The following KCNQ3 variants were observed in gnomAD, a reference collection of about 807,000 sequenced individuals.
KCNQ3 encodes potassium voltage-gated channel subfamily KQT member 3.
A neutral mutation model predicts 92.5 loss-of-function variants in KCNQ3; 30 were observed. That is an observed-to-expected ratio of 0.32 (90% CI 0.24 to 0.44). The LOEUF is 0.44. Among genes scored for constraint, KCNQ3 ranks in the 20% least tolerant of loss-of-function variants. The pLI, the probability that KCNQ3 is intolerant of heterozygous loss-of-function variation, is 1.00. For missense variants in KCNQ3, 913 were observed against 1,140.3 expected, an observed-to-expected ratio of 0.80 and a Z score of 2.87; for synonymous variants, 450 against 468.8, an observed-to-expected ratio of 0.96 and a Z score of 0.52.
At chr8:132,199,037 T>C (rs1827383048) in intron 1 of KCNQ3, among the ~76,000 whole-genome samples, 1 of 152,092 alleles carries the variant, frequency 6.6e-6, no homozygotes, top group African/African-American at 2.4e-5. Flanking sequence ...CACCATCAGA[T>C]ACACCATTCA....
chr8:132,175,483 C>A lies in KCNQ3; in HGVS notation c.903G>T (p.Glu301Asp), dbSNP rs764285990. 6.2e-7 allele frequency: 1 copy of A among 1,614,204 alleles called. No homozygotes were observed. Among genetic ancestry groups the A allele is most frequent in the Non-Finnish European group, 8.5e-7 (1 of 1,180,024 alleles). The change falls in exon 5 of 15, where the codon GAG becomes GAT. Residue 301 changes from glutamate (E) to aspartate (D), a missense_variant. Physicochemically the swap from Glu to Asp is conservative, Grantham distance 45. Coordinates refer to ENST00000388996, the MANE Select transcript of KCNQ3 (RefSeq NM_004519.4). ...CCCACCACAGGGCATCTGCATAGGT[C>A]TCAAACTCCTCTTTCATCTCCTCTC... ...AQGEEMKEEFETYADALWWGL... is the reference protein window; with the variant it reads ...AQGEEMKEEFDTYADALWWGL...
intron 1 of KCNQ3, among the ~76,000 whole-genome samples, chr8:132,397,956 T>C (rs1820235918): frequency 6.6e-6 from 1 of 152,192 alleles, no homozygotes; most frequent in Non-Finnish European, 1.5e-5. Flanking sequence ...CTATAAAATA[T>C]CTAATTTATA....
At chr8:132,409,253 T>C (rs563425172) in intron 1 of KCNQ3, among the ~76,000 whole-genome samples, 1 of 152,174 alleles carries the variant, frequency 6.6e-6, no homozygotes, top group Admixed American at 6.5e-5. Context: ...AATCCATCTA[T>C]GCATTCACTT....
chr8:132,181,939 G>A (rs1042785038), intron 3 of KCNQ3, among the ~76,000 whole-genome samples: 1 of 152,006 alleles, frequency 6.6e-6, no homozygotes, highest in Non-Finnish European at 1.5e-5. Context: ...CAGCTACTTG[G>A]GAGGCTGAGG....
chr8:132,207,132 A>C (rs796246377), intron 1 of KCNQ3, among the ~76,000 whole-genome samples: 2 of 152,330 alleles, frequency 1.3e-5, no homozygotes, highest in African/African-American at 4.8e-5. Flanking sequence ...ACCATTGTGC[A>C]TACAGATTTT....
At chr8:132,414,007 G>A (rs1017821926) in intron 1 of KCNQ3, among the ~76,000 whole-genome samples, 1 of 152,222 alleles carries the variant, frequency 6.6e-6, no homozygotes, top group African/African-American at 2.4e-5. Flanking sequence ...GGTTTCCAGA[G>A]CGGGTGCAGC....
chr8:132,373,856 C>T (rs894215914), intron 1 of KCNQ3, among the ~76,000 whole-genome samples: 7 of 152,266 alleles, frequency 4.6e-5, no homozygotes, highest in Admixed American at 1.3e-4. Flanking sequence ...AAGCTCATCA[C>T]TCCTGCACAC....
intron 1 of KCNQ3, among the ~76,000 whole-genome samples, chr8:132,407,970 C>G (rs1020517644): frequency 6.6e-6 from 1 of 152,134 alleles, no homozygotes; most frequent in South Asian, 2.1e-4. Flanking sequence ...TGCTGGCTGA[C>G]TGGCAAAGGT....
chr8:132,172,532 C>T, intron 7 of KCNQ3, 66 bp downstream of exon 7: 2 of 1,398,292 alleles, frequency 1.4e-6, no homozygotes, highest in Non-Finnish European at 2.0e-6. Context: ...CACATACACA[C>T]ACACACACGT....
chr8:132,295,504 A>G (rs7846234), intron 1 of KCNQ3, among the ~76,000 whole-genome samples: 12,190 of 152,308 alleles, frequency 0.08, 551 homozygotes, highest in South Asian at 0.16. Context: ...AAGCAGAAAT[A>G]CCATTTGACC....
At chr8:132,428,199 GTC>G (rs1821159063) in intron 1 of KCNQ3, among the ~76,000 whole-genome samples, 1 of 151,978 alleles carries the variant, frequency 6.6e-6, no homozygotes, top group Non-Finnish European at 1.5e-5. Context: ...GGCACACTCT[GTC>G]TCTCTCTTTG....
intron 1 of KCNQ3, among the ~76,000 whole-genome samples, chr8:132,208,295 G>A (rs752560199): frequency 6.6e-6 from 1 of 151,834 alleles, no homozygotes; most frequent in African/African-American, 2.4e-5. Flanking sequence ...GGGAGAAAGG[G>A]CGGTCAACAG....
At chr8:132,219,780 T>C (rs777483358) in intron 1 of KCNQ3, among the ~76,000 whole-genome samples, 1 of 152,198 alleles carries the variant, frequency 6.6e-6, no homozygotes, top group African/African-American at 2.4e-5. Flanking sequence ...ATTTTGTTTG[T>C]TTGTTTTTAT....
chr8:132,314,019 A>T (rs1355805969), intron 1 of KCNQ3, among the ~76,000 whole-genome samples: 1 of 152,190 alleles, frequency 6.6e-6, no homozygotes, highest in Non-Finnish European at 1.5e-5. Flanking sequence ...AATAGTAAGC[A>T]CAGAGTCAGG....
chr8:132,456,786 G>C (rs1388602236), intron 1 of KCNQ3, among the ~76,000 whole-genome samples: 1 of 151,836 alleles, frequency 6.6e-6, no homozygotes, highest in Non-Finnish European at 1.5e-5. Flanking sequence ...TAATTTTCTT[G>C]TATTTTTAAT....
chr8:132,314,283 C>T (rs532728887), intron 1 of KCNQ3, among the ~76,000 whole-genome samples: 1 of 152,162 alleles, frequency 6.6e-6, no homozygotes, highest in South Asian at 2.1e-4. Flanking sequence ...CTCCAGCAAC[C>T]ATATGATGAG....
intron 1 of KCNQ3, among the ~76,000 whole-genome samples, chr8:132,215,347 C>T (rs1363635151): frequency 6.6e-6 from 1 of 152,158 alleles, no homozygotes; most frequent in Non-Finnish European, 1.5e-5. Flanking sequence ...TATTTAAAGT[C>T]AAAATTAACT....
In KCNQ3 at chr8:132,338,701, G is replaced by T. The variant is rs192344052; in HGVS notation, c.386+141446C>A. On this transcript the variant is annotated intron_variant, in intron 1 of 14. Transcript: ENST00000388996. ...CTGTGCTCTCAGGAACACACCGGTT[G>T]TTTGTTAGCAAATGACCTTTCTTGC... 5.0e-3 allele frequency among the ~76,000 whole-genome samples: 764 copies of T among 152,308 alleles called. 6 individuals carry two copies. The highest frequency in any genetic ancestry group is 0.018 in the African/African-American group (741 of 41,562).
At chr8:132,172,538 C>T in intron 7 of KCNQ3, 60 bp downstream of exon 7, 1 of 1,415,700 alleles carries the variant, frequency 7.1e-7, no homozygotes, top group Non-Finnish European at 1.0e-6. Context: ...CACACACACA[C>T]ACGTATGTAC....
Sources: allele counts gnomAD v4.1 joint callset (sites outside exome capture counted in the v4.1 genomes callset), GRCh38; gene constraint gnomAD v4.1.1; transcripts MANE v1.5; gene names NCBI Gene and HGNC (gene_info 2026-07-23, HGNC 2026-07-21).